The following PCDHGA3 variants were observed in gnomAD, a reference collection of about 807,000 sequenced individuals.
PCDHGA3 encodes protocadherin gamma-A3.
Under a neutral mutation model 58.5 loss-of-function variants are expected in PCDHGA3, and 40 were observed. That is an observed-to-expected ratio of 0.68 (90% CI 0.53 to 0.89). The LOEUF (loss-of-function observed/expected upper bound fraction) is 0.89. PCDHGA3 is among the 40% of genes least tolerant of loss of function. The pLI, the probability that PCDHGA3 is intolerant of heterozygous loss-of-function variation, is 0.00. For missense variants in PCDHGA3, 1,223 were observed against 1,195.9 expected, an observed-to-expected ratio of 1.02 and a Z score of -0.33; for synonymous variants, 530 against 525.7, an observed-to-expected ratio of 1.01 and a Z score of -0.11.
rs767892593 is a variant in PCDHGA3, at chr5:141,400,152, T to C, written c.2424+53695T>C. 8 of 1,614,064 alleles carry C rather than the reference T, an allele frequency of 5.0e-6. 1 individual carries two copies. In the South Asian group the frequency reaches 6.6e-5, roughly 13 times the overall value. Reference sequence around the variant, plus strand: ...TGCTGCCGGATATCACTGACCGCCCTGTACCCTCTGACCCCCAGGCTGAGC... The same window carrying C: ...TGCTGCCGGATATCACTGACCGCCCCGTACCCTCTGACCCCCAGGCTGAGC... On this transcript the variant is annotated intron_variant, in intron 1 of 3. Transcript: ENST00000253812.
chr5:141,459,699 A>G (rs2098973201), intron 1 of PCDHGA3, among the ~76,000 whole-genome samples: 1 of 152,218 alleles, frequency 6.6e-6, no homozygotes, highest in Non-Finnish European at 1.5e-5. Flanking sequence ...TCCGCTTGCT[A>G]CATTTTCTCA....
intron 1 of PCDHGA3, among the ~76,000 whole-genome samples, chr5:141,437,228 A>C (rs1410620126): frequency 6.6e-6 from 1 of 152,228 alleles, no homozygotes; most frequent in Non-Finnish European, 1.5e-5. Context: ...CCAGTCATAA[A>C]ATTATGTCAA....
intron 1 of PCDHGA3, chr5:141,389,851 CCA>C (rs2091943018): frequency 6.2e-7 from 1 of 1,613,936 alleles, no homozygotes; most frequent in Non-Finnish European, 8.5e-7. Context: ...TCGGCCACTG[CCA>C]CGTTGCACCT....
chr5:141,352,643 G>A lies in PCDHGA3; in HGVS notation c.2424+6186G>A, dbSNP rs199530238. 1.1e-4 allele frequency: 177 copies of A among 1,606,940 alleles called. No individual in the cohort carries two copies. In the African/African-American group the frequency reaches 2.2e-3, roughly 20 times the overall value. On this transcript the variant is annotated intron_variant, in intron 1 of 3. Coordinates refer to ENST00000253812, the MANE Select transcript of PCDHGA3 (RefSeq NM_018916.4). ...TGCCAGTAATGAAGATCACAAAATC[G>A]CTTATGACCCTTCTTTGTCTTCGCA... is the stretch of plus-strand genomic sequence containing the variant.
rs752112707 is a variant in PCDHGA3, at chr5:141,376,279, A to G, written c.2424+29822A>G. 22 of 1,614,054 alleles carry G rather than the reference A, an allele frequency of 1.4e-5. No homozygotes were observed. The Admixed American group carries it at 1.8e-4, about 13-fold the overall frequency. ...TGCTGCAGGCTTCGGGAGGTGGCTT[A>G]GCGAGCATGCCCGGCTCGCACTTTG... is the stretch of plus-strand genomic sequence containing the variant. On this transcript the variant is annotated intron_variant, in intron 1 of 3. Coordinates refer to ENST00000253812, the MANE Select transcript of PCDHGA3 (RefSeq NM_018916.4).
chr5:141,356,212 C>G, intron 1 of PCDHGA3: 1 of 1,604,368 alleles, frequency 6.2e-7, no homozygotes. Flanking sequence ...GGTGACAGTT[C>G]TGGATGAAAA....
chr5:141,425,371 G>T (rs1396857898), intron 1 of PCDHGA3, among the ~76,000 whole-genome samples: 3 of 152,186 alleles, frequency 2.0e-5, no homozygotes, highest in African/African-American at 7.2e-5. Context: ...AGAGGGTTAT[G>T]TTGATTCGGA....
chr5:141,400,020 G>A (rs1589396224), intron 1 of PCDHGA3: 1 of 1,612,942 alleles, frequency 6.2e-7, no homozygotes, highest in South Asian at 1.1e-5. Context: ...TGGGCGACAG[G>A]GACGCGGCCC....
intron 1 of PCDHGA3, chr5:141,398,979 C>T (rs769465343): frequency 1.9e-6 from 3 of 1,613,778 alleles, no homozygotes; most frequent in African/African-American, 1.3e-5. Context: ...TCTACAGAAC[C>T]GGGCAAATCT....
At position 141,344,510 on chromosome 5, in the gene PCDHGA3, C is replaced by T. The variant is rs771669587; in HGVS notation, c.477C>T (p.Asp159=). The T allele has an allele frequency of 1.1e-5, 18 of 1,613,796 alleles. No individual in the cohort carries two copies. Among genetic ancestry groups the T allele is most frequent in the Non-Finnish European group, 1.7e-6 (2 of 1,179,890 alleles). The change falls in exon 1 of 4, where the codon GAC becomes GAT. Residue 159 remains aspartate, a synonymous_variant. Coordinates refer to ENST00000253812, the MANE Select transcript of PCDHGA3 (RefSeq NM_018916.4). The part of the protein sequence containing the change: ...GTRFPIKTAF[D]PDVGINSLQN... ...GATTTCCAATTAAAACTGCTTTTGA[C>T]CCAGATGTAGGCATTAACTCCCTGC...
chr5:141,495,873 C>G (rs2099764359), intron 2 of PCDHGA3, among the ~76,000 whole-genome samples: 1 of 152,146 alleles, frequency 6.6e-6, no homozygotes, highest in Admixed American at 6.6e-5. Flanking sequence ...CTGCTTTCCT[C>G]TCTGTTCTTT....
Position 141,351,082 on chromosome 5 carries a change from C to T in PCDHGA3, c.2424+4625C>T, listed in dbSNP as rs774889812. On this transcript the variant is annotated intron_variant, in intron 1 of 3. Transcript: ENST00000253812. ...AGGATGAGGGCATTAATGCAGAGAT[C>T]ACCTATGCCTTCCTCAATTCCCCAA... 5 of 1,614,062 alleles carry T rather than the reference C, an allele frequency of 3.1e-6. No homozygotes were observed. In the South Asian group the frequency reaches 5.5e-5, roughly 18 times the overall value.
intron 1 of PCDHGA3, among the ~76,000 whole-genome samples, chr5:141,436,749 C>T (rs2097844674): frequency 6.6e-6 from 1 of 152,154 alleles, no homozygotes; most frequent in Admixed American, 6.5e-5. Flanking sequence ...TGTGCTTCTC[C>T]ATATGGTATA....
chr5:141,418,751 A>G (rs2096284782), intron 1 of PCDHGA3: 2 of 1,613,840 alleles, frequency 1.2e-6, no homozygotes, highest in African/African-American at 2.7e-5. Context: ...GGATTACACT[A>G]CAGGAAACAT....
chr5:141,403,687 G>A, intron 1 of PCDHGA3: 1 of 1,613,872 alleles, frequency 6.2e-7, no homozygotes, highest in East Asian at 2.2e-5. Context: ...TTGCTCAACG[G>A]ATTTACCGAG....
chr5:141,419,443 C>G lies in PCDHGA3; in HGVS notation c.2424+72986C>G, dbSNP rs1476796525. ...TCGACCACGAGCAGCTGCGCACCTT[C>G]GAGCTCACGCTGCAGGCCCGCGACC... On this transcript the variant is annotated intron_variant, in intron 1 of 3. Coordinates refer to ENST00000253812, the MANE Select transcript of PCDHGA3 (RefSeq NM_018916.4). 6.2e-7 allele frequency: 1 copy of G among 1,613,080 alleles called. No individual in the cohort carries two copies. Among genetic ancestry groups the G allele is most frequent in the Non-Finnish European group, 8.5e-7 (1 of 1,179,758 alleles).
At chr5:141,438,290 A>G (rs1043285243) in intron 1 of PCDHGA3, among the ~76,000 whole-genome samples, 5 of 152,074 alleles carry the variant, frequency 3.3e-5, no homozygotes, top group East Asian at 3.9e-4. Flanking sequence ...TTTAATCTGT[A>G]TGTAAAAGAA....
At chr5:141,361,087 A>T in intron 1 of PCDHGA3, 1 of 1,614,036 alleles carries the variant, frequency 6.2e-7, no homozygotes, top group Non-Finnish European at 8.5e-7. Flanking sequence ...TTACACTCTG[A>T]GTATCGAAGC....
At chr5:141,421,522 A>G in intron 1 of PCDHGA3, 1 of 1,614,068 alleles carries the variant, frequency 6.2e-7, no homozygotes, top group Non-Finnish European at 8.5e-7. Context: ...GCTCTGTGAG[A>G]CGGTGTCCTC....
Sources: gnomAD v4.1 joint callset for allele counts (sites outside exome capture counted in the v4.1 genomes callset) on GRCh38, gnomAD v4.1.1 for gene constraint, MANE v1.5 for transcripts, NCBI Gene and HGNC (gene_info 2026-07-23, HGNC 2026-07-21) for gene names.